The following CIMIP6 variants were observed in gnomAD, a reference collection of about 807,000 sequenced individuals.
The protein encoded by CIMIP6 is ciliary microtubule inner protein 6, also known as uncharacterized protein C2orf73.
chr2:54,383,653 ATAAT>A, the CIMIP6 span: 1 of 152,084 alleles, frequency 6.6e-6, no homozygotes, highest in Non-Finnish European at 1.5e-5. Context: ...TCTACCATAA[ATAAT>A]TATTCGCGTA....
the CIMIP6 span, among the ~76,000 whole-genome samples, chr2:54,374,381 T>C: frequency 6.6e-6 from 1 of 152,230 alleles, no homozygotes; most frequent in Non-Finnish European, 1.5e-5. Context: ...AGTGATCTGA[T>C]TGAGAGATGA....
the CIMIP6 span, among the ~76,000 whole-genome samples, chr2:54,355,862 T>C: frequency 1.3e-5 from 2 of 152,218 alleles, no homozygotes; most frequent in Non-Finnish European, 2.9e-5. Flanking sequence ...GGTATATTGG[T>C]TCTGATAATT....
chr2:54,350,716 C>A, the CIMIP6 span, among the ~76,000 whole-genome samples: 1 of 152,342 alleles, frequency 6.6e-6, no homozygotes, highest in East Asian at 1.9e-4. Context: ...CAGACTACCA[C>A]AATACCCTTC....
the CIMIP6 span, among the ~76,000 whole-genome samples, chr2:54,365,512 T>TAC: frequency 2.0e-5 from 3 of 152,162 alleles, no homozygotes; most frequent in East Asian, 5.8e-4. Flanking sequence ...AAAGTAAGTA[T>TAC]ACTTAAAATG....
the CIMIP6 span, among the ~76,000 whole-genome samples, chr2:54,380,681 A>G: frequency 6.6e-6 from 1 of 152,216 alleles, no homozygotes; most frequent in Non-Finnish European, 1.5e-5. Context: ...AGCCAGGGCT[A>G]TGTGTCCTCC....
At chr2:54,363,486 TG>T in the CIMIP6 span, among the ~76,000 whole-genome samples, 2 of 152,180 alleles carry the variant, frequency 1.3e-5, no homozygotes, top group South Asian at 4.1e-4. Flanking sequence ...AGTTGATAAA[TG>T]GCCCAAGGCT....
chr2:54,375,456 T>C, the CIMIP6 span, among the ~76,000 whole-genome samples: 1 of 152,148 alleles, frequency 6.6e-6, no homozygotes, highest in African/African-American at 2.4e-5. Context: ...ACTGAAAAGA[T>C]TGTTTATATA....
chr2:54,356,423 A>C, the CIMIP6 span, among the ~76,000 whole-genome samples: 1 of 152,086 alleles, frequency 6.6e-6, no homozygotes, highest in African/African-American at 2.4e-5. Flanking sequence ...CAGATTTTAA[A>C]AGCTCTCCCA....
At chr2:54,371,812 G>A in the CIMIP6 span, among the ~76,000 whole-genome samples, 1 of 152,346 alleles carries the variant, frequency 6.6e-6, no homozygotes, top group Admixed American at 6.5e-5. Context: ...CAGCTGCGCA[G>A]CTGTGGGAAG....
At chr2:54,376,720 A>G in the CIMIP6 span, among the ~76,000 whole-genome samples, 1 of 152,220 alleles carries the variant, frequency 6.6e-6, no homozygotes, top group Non-Finnish European at 1.5e-5. Context: ...GCCAGACACC[A>G]CATGCCACCA....
the CIMIP6 span, among the ~76,000 whole-genome samples, chr2:54,343,397 A>G: frequency 3.3e-5 from 5 of 152,186 alleles, no homozygotes; most frequent in African/African-American, 9.6e-5. Flanking sequence ...TTATACATAC[A>G]CGTGTACATA....
chr2:54,333,148 A>G, the CIMIP6 span, among the ~76,000 whole-genome samples: 2 of 152,236 alleles, frequency 1.3e-5, no homozygotes, highest in Non-Finnish European at 2.9e-5. Flanking sequence ...GAATTCAACA[A>G]TGTACACCTT....
At chr2:54,347,949 C>T in the CIMIP6 span, among the ~76,000 whole-genome samples, 3 of 152,106 alleles carry the variant, frequency 2.0e-5, no homozygotes, top group Admixed American at 6.6e-5. Flanking sequence ...ATCTGTTTTC[C>T]AGCTTCCAAA....
chr2:54,334,915 C>T, the CIMIP6 span: 1 of 1,584,126 alleles, frequency 6.3e-7, no homozygotes, highest in Non-Finnish European at 8.6e-7. Context: ...CATTCAAAAT[C>T]ACATGTTGGA....
the CIMIP6 span, among the ~76,000 whole-genome samples, chr2:54,358,172 G>A: frequency 6.6e-5 from 10 of 152,222 alleles, no homozygotes; most frequent in South Asian, 1.9e-3. Flanking sequence ...GTTATTGGGC[G>A]AAATGAAAAG....
At chr2:54,360,001 T>G in the CIMIP6 span, among the ~76,000 whole-genome samples, 1 of 152,250 alleles carries the variant, frequency 6.6e-6, no homozygotes, top group Non-Finnish European at 1.5e-5. Context: ...GTTCATTTTC[T>G]GATGCACCCT....
At chr2:54,357,478 C>G in the CIMIP6 span, among the ~76,000 whole-genome samples, 2 of 152,038 alleles carry the variant, frequency 1.3e-5, no homozygotes, top group Non-Finnish European at 2.9e-5. Flanking sequence ...CCACCTCTGT[C>G]CTCCAGTCAC....
At chr2:54,339,100 G>A in the CIMIP6 span, among the ~76,000 whole-genome samples, 2 of 72,588 alleles carry the variant, frequency 2.8e-5, 1 homozygote, top group Non-Finnish European at 7.1e-5. Context: ...AGGTTGCAGT[G>A]AGCCAAGATC....
the CIMIP6 span, among the ~76,000 whole-genome samples, chr2:54,332,683 T>C: frequency 7.9e-5 from 12 of 152,340 alleles, no homozygotes; most frequent in East Asian, 2.3e-3. Context: ...AAGTGCTTAA[T>C]CAAATGAATT....
Sources: gnomAD v4.1 joint callset for allele counts (sites outside exome capture counted in the v4.1 genomes callset) on GRCh38, gnomAD v4.1.1 for gene constraint, MANE v1.5 for transcripts, NCBI Gene and HGNC (gene_info 2026-07-23, HGNC 2026-07-21) for gene names.